The following STARD13 variants were observed in gnomAD, a reference collection of about 807,000 sequenced individuals.
STARD13 encodes StAR related lipid transfer domain containing 13, also known as stAR-related lipid transfer protein 13.
In STARD13, 62 loss-of-function variants were observed where a neutral mutation model predicts 106.4. The observed-to-expected ratio is 0.58, with a 90% CI of 0.48 to 0.72. The LOEUF (loss-of-function observed/expected upper bound fraction) is 0.72. STARD13 is among the 30% of genes least tolerant of loss of function. STARD13 has a pLI of 0.00. For synonymous variants in STARD13, 565 were observed against 553.0 expected (o/e 1.02, Z -0.31); for missense variants, 1,387 against 1,424.0 (o/e 0.97, Z 0.42).
chr13:33,310,925 G>A (rs920490347), intron 1 of STARD13, among the ~76,000 whole-genome samples: 4 of 152,028 alleles, frequency 2.6e-5, no homozygotes, highest in African/African-American at 9.7e-5. Context: ...ACTGAATACT[G>A]CAGGCAACTG....
the STARD13 span, among the ~76,000 whole-genome samples, chr13:33,415,806 C>A: frequency 1.3e-5 from 2 of 152,188 alleles, 1 homozygote; most frequent in Middle Eastern, 6.8e-3. Context: ...AAAAACTAAG[C>A]GAGAGATAGT....
At position 33,106,951 on chromosome 13, in the gene STARD13, C is replaced by A; in HGVS notation, c.3048-17G>T. On this transcript the variant is annotated splice_polypyrimidine_tract_variant and intron_variant, in intron 12 of 13. Transcript: ENST00000336934. ...TTCCAGGTCCTGTAGCAAAACAATCCGCACATCAGAGTCATGACTGAGGGA... is the reference window on the plus strand; with the variant it reads ...TTCCAGGTCCTGTAGCAAAACAATCAGCACATCAGAGTCATGACTGAGGGA... 1 of 1,605,618 alleles carries A rather than the reference C, an allele frequency of 6.2e-7. No individual in the cohort carries two copies. Among genetic ancestry groups the A allele is most frequent in the Non-Finnish European group, 8.5e-7 (1 of 1,174,996 alleles).
the STARD13 span, among the ~76,000 whole-genome samples, chr13:33,561,968 A>C: frequency 6.8e-6 from 1 of 147,036 alleles, no homozygotes; most frequent in Non-Finnish European, 1.5e-5. Flanking sequence ...AAAATTTAGC[A>C]GCTTATTTCA....
At chr13:33,594,056 G>A in the STARD13 span, among the ~76,000 whole-genome samples, 7 of 152,090 alleles carry the variant, frequency 4.6e-5, no homozygotes, top group African/African-American at 1.4e-4. Context: ...ACAGGTGCCC[G>A]CCACCATGCC....
the STARD13 span, among the ~76,000 whole-genome samples, chr13:33,536,709 G>A: frequency 6.6e-6 from 1 of 152,152 alleles, no homozygotes; most frequent in Middle Eastern, 3.2e-3. Context: ...ACACTCAACT[G>A]TAAAACCACC....
the STARD13 span, among the ~76,000 whole-genome samples, chr13:33,597,932 GC>G: frequency 6.6e-6 from 1 of 152,054 alleles, no homozygotes; most frequent in Non-Finnish European, 1.5e-5. Flanking sequence ...AATGTTGATG[GC>G]TATTATTTGA....
chr13:33,512,122 GCATGTCC>G, the STARD13 span, among the ~76,000 whole-genome samples: 5 of 152,248 alleles, frequency 3.3e-5, no homozygotes, highest in East Asian at 9.7e-4. Flanking sequence ...GTGGTGGGTG[GCATGTCC>G]CTTAAGACCA....
the STARD13 span, among the ~76,000 whole-genome samples, chr13:33,542,655 T>G: frequency 6.6e-6 from 1 of 152,152 alleles, no homozygotes; most frequent in Non-Finnish European, 1.5e-5. Context: ...TCGGTCGCCG[T>G]TCGGTTCCGG....
intron 1 of STARD13, among the ~76,000 whole-genome samples, chr13:33,178,272 C>T (rs375391024): frequency 2.6e-4 from 40 of 152,270 alleles, no homozygotes; most frequent in African/African-American, 9.6e-4. Context: ...TTCTAGGTGG[C>T]TTGAATAACA....
chr13:33,350,111 C>T (rs2078059681), intron 1 of STARD13, among the ~76,000 whole-genome samples: 1 of 152,084 alleles, frequency 6.6e-6, no homozygotes, highest in African/African-American at 2.4e-5. Flanking sequence ...GGAGGCGCGG[C>T]GGGAGGGCGC....
the STARD13 span, among the ~76,000 whole-genome samples, chr13:33,401,082 C>T: frequency 3.1e-3 from 474 of 152,248 alleles, 19 homozygotes; most frequent in East Asian, 0.067. Context: ...CACCCCTCCA[C>T]CCCTGGGACA....
intron 8 of STARD13, chr13:33,113,613 C>T (rs571205085): frequency 1.8e-4 from 93 of 503,780 alleles, no homozygotes; most frequent in Admixed American, 3.4e-4. Flanking sequence ...GGAGACCCAG[C>T]GTCACCTGTT....
At chr13:33,453,828 A>G in the STARD13 span, among the ~76,000 whole-genome samples, 1 of 152,250 alleles carries the variant, frequency 6.6e-6, no homozygotes, top group Non-Finnish European at 1.5e-5. Flanking sequence ...GCATTTGAAA[A>G]GAATGGTCTG....
the STARD13 span, among the ~76,000 whole-genome samples, chr13:33,467,935 G>A: frequency 6.6e-6 from 1 of 152,190 alleles, no homozygotes; most frequent in African/African-American, 2.4e-5. Flanking sequence ...ATTCTTATAA[G>A]TAATCACAGT....
upstream of STARD13, among the ~76,000 whole-genome samples, chr13:33,288,773 T>C (rs1003126891): frequency 1.3e-5 from 2 of 152,168 alleles, no homozygotes; most frequent in African/African-American, 4.8e-5. Context: ...TCAAGTAGTA[T>C]CTATAAATTC....
At chr13:33,500,419 C>T in the STARD13 span, among the ~76,000 whole-genome samples, 1 of 152,184 alleles carries the variant, frequency 6.6e-6, no homozygotes, top group East Asian at 1.9e-4. Context: ...ATGAGATTGA[C>T]AATTTCCTAC....
chr13:33,324,952 C>T (rs1566139604), intron 1 of STARD13, among the ~76,000 whole-genome samples: 1 of 152,138 alleles, frequency 6.6e-6, no homozygotes, highest in Non-Finnish European at 1.5e-5. Flanking sequence ...TTCTATTGCC[C>T]TGTGTTTACA....
chr13:33,236,252 G>T (rs1889183183), intron 1 of STARD13, among the ~76,000 whole-genome samples: 2 of 152,174 alleles, frequency 1.3e-5, no homozygotes, highest in South Asian at 2.1e-4. Flanking sequence ...GGCCAGTAAG[G>T]CATGATCCAA....
rs1433869939 is a variant in STARD13, at chr13:33,129,195, A to G, written c.1482T>C (p.Asn494=). The change falls in exon 5 of 14, where the codon AAT becomes AAC. Residue 494 remains asparagine, a synonymous_variant. Transcript: ENST00000336934. ...PHLDDILQHV[N]GLQEVVDDWS... ...AGTCATCGACTACCTCTTGGAGCCCATTGACATGCTGCAGAATGTCATCCA... is the reference window on the plus strand; with the variant it reads ...AGTCATCGACTACCTCTTGGAGCCCGTTGACATGCTGCAGAATGTCATCCA... 1.2e-6 allele frequency: 2 copies of G among 1,614,102 alleles called. No individual in the cohort carries two copies. The highest frequency in any genetic ancestry group is 1.3e-5 in the African/African-American group (1 of 74,934).
Sources: gnomAD v4.1 joint callset for allele counts (sites outside exome capture counted in the v4.1 genomes callset) on GRCh38, gnomAD v4.1.1 for gene constraint, MANE v1.5 for transcripts, NCBI Gene and HGNC (gene_info 2026-07-23, HGNC 2026-07-21) for gene names.